Variants in PRPF38A observed in about 807,000 individuals in gnomAD.
PRPF38A encodes pre-mRNA-splicing factor 38A.
In PRPF38A, 11 loss-of-function variants were observed where a neutral mutation model predicts 46.8. The observed-to-expected ratio is 0.24, with a 90% CI of 0.15 to 0.39. The LOEUF (loss-of-function observed/expected upper bound fraction) is 0.39, where lower values mean the gene tolerates loss of function less well. Ranked by LOEUF, PRPF38A falls within the 10% of genes least tolerant of loss-of-function variation. PRPF38A has a pLI of 1.00. For synonymous variants in PRPF38A, 124 were observed against 136.2 expected, an observed-to-expected ratio of 0.91 and a Z score of 0.62; for missense variants, 261 against 407.5, an observed-to-expected ratio of 0.64 and a Z score of 3.10.
intron 4 of PRPF38A, among the ~76,000 whole-genome samples, chr1:52,411,872 A>G (rs1429083415): frequency 1.3e-5 from 2 of 152,166 alleles, no homozygotes; most frequent in East Asian, 3.9e-4. Flanking sequence ...TTCTTATAGC[A>G]AGACAATGTC....
In PRPF38A at chr1:52,416,878, G is replaced by T; in HGVS notation, c.*188G>T. On this transcript the variant is annotated 3_prime_UTR_variant, in exon 10 of 10. Coordinates refer to ENST00000257181, the MANE Select transcript of PRPF38A (RefSeq NM_032864.4). ...ATCTTTTTAATCATAATCAACATCA[G>T]TTTTTGACCCAACTAACCTTGACTG... is the stretch of plus-strand genomic sequence containing the variant. The T allele has an allele frequency of 1.7e-6, 1 of 601,236 alleles. No homozygotes were observed. The highest frequency in any genetic ancestry group is 3.0e-6 in the Non-Finnish European group (1 of 332,154). The allele number at this position is 601,236 out of a possible 1,614,324, so 37.2% of individuals were successfully genotyped here. A position where few individuals can be genotyped will look rare whatever the true frequency, so the allele number is the denominator to read the frequency against.
chr1:52,415,832 CTTTTTTTTTTT>C (rs71041898), intron 9 of PRPF38A, among the ~76,000 whole-genome samples: 22 of 51,614 alleles, frequency 4.3e-4, no homozygotes, highest in Admixed American at 2.2e-3. Context: ...TGGGTGCACT[CTTTTTTTTTTT>C]TTTTTTTTTT....
intron 2 of PRPF38A, chr1:52,408,198 C>T: frequency 2.8e-6 from 1 of 360,274 alleles, no homozygotes; most frequent in East Asian, 7.4e-5. Flanking sequence ...CAAGATCGTG[C>T]CACTGCACTG....
intron 4 of PRPF38A, 58 bp downstream of exon 4, chr1:52,411,258 A>T: frequency 8.6e-7 from 1 of 1,163,792 alleles, no homozygotes; most frequent in East Asian, 2.3e-5. Flanking sequence ...GGGCAGACAG[A>T]CAAACACATA....
In PRPF38A at chr1:52,405,562, C is replaced by G. The variant is rs140763730; in HGVS notation, c.131-118C>G. The G allele has an allele frequency of 3.5e-4, 300 of 866,962 alleles. No individual in the cohort carries two copies. In the African/African-American group the frequency reaches 4.6e-3, roughly 13 times the overall value. The allele number at this position is 866,962 out of a possible 1,614,324, so 53.7% of individuals were successfully genotyped here. A position where few individuals can be genotyped will look rare whatever the true frequency, so the allele number is the denominator to read the frequency against. On this transcript the variant is annotated intron_variant, in intron 1 of 9. Coordinates refer to ENST00000257181, the MANE Select transcript of PRPF38A (RefSeq NM_032864.4). ...GTCGTTACTGTTATTAATACACATT[C>G]GTTCTCCTAATATTACACTGTTGAT...
rs920943606 is a variant in PRPF38A, at chr1:52,417,010, A to C, written c.*320A>C. 9 of 261,998 alleles carry C rather than the reference A, an allele frequency of 3.4e-5. No homozygotes were observed. Among genetic ancestry groups the C allele is most frequent in the African/African-American group, 2.0e-4 (9 of 45,396 alleles). 16.2% of individuals were successfully genotyped at this position (261,998 alleles called of 1,614,324 possible). A position where few individuals can be genotyped will look rare whatever the true frequency, so the allele number is the denominator to read the frequency against. ...TTTCCCTTTTTATTAAACCGGACACACCTGTTTCCCATTTCGCTGTAGTTT... is the reference window on the plus strand; with the variant it reads ...TTTCCCTTTTTATTAAACCGGACACCCCTGTTTCCCATTTCGCTGTAGTTT... On this transcript the variant is annotated 3_prime_UTR_variant, in exon 10 of 10. Coordinates refer to ENST00000257181, the MANE Select transcript of PRPF38A (RefSeq NM_032864.4).
At position 52,416,645 on chromosome 1, in the gene PRPF38A, C is replaced by T; in HGVS notation, c.897-3C>T. ...TAATTATTTATATGTGTTGCCATTT[C>T]AGGTCTAAGAAGAGCCACAAGAAGA... On this transcript the variant is annotated splice_region_variant and splice_polypyrimidine_tract_variant and intron_variant, in intron 9 of 9. Coordinates refer to ENST00000257181, the MANE Select transcript of PRPF38A (RefSeq NM_032864.4). 6.2e-7 allele frequency: 1 copy of T among 1,611,404 alleles called. No homozygotes were observed.
At chr1:52,405,950 T>G (rs1647976109) in intron 2 of PRPF38A, 111 bp downstream of exon 2, 4 of 926,842 alleles carry the variant, frequency 4.3e-6, no homozygotes, top group Middle Eastern at 2.6e-4. Context: ...AGAGTTCCAC[T>G]CCAGATTTTT....
At position 52,404,726 on chromosome 1, in the gene PRPF38A, A is replaced by G; in HGVS notation, c.-24A>G. 1 of 1,610,018 alleles carries G rather than the reference A, an allele frequency of 6.2e-7. No individual in the cohort carries two copies. Among genetic ancestry groups the G allele is most frequent in the Non-Finnish European group, 8.5e-7 (1 of 1,178,136 alleles). On this transcript the variant is annotated 5_prime_UTR_variant, in exon 1 of 10. Transcript: ENST00000257181. ...TGTGAGGCATTAAAGGATCCGACGG[A>G]AATAGAATTGAAGGCATTCTAAAAT...
At position 52,417,648 on chromosome 1, in the gene PRPF38A, G is replaced by GAGAT. The variant is rs1182660289; in HGVS notation, c.*961_*964dup. The GAGAT allele has an allele frequency of 1.3e-5, 2 of 152,274 alleles. No individual in the cohort carries two copies. Among genetic ancestry groups the GAGAT allele is most frequent in the East Asian group, 1.9e-4 (1 of 5,188 alleles). The allele number at this position is 152,274 out of a possible 1,614,324, so 9.4% of individuals were successfully genotyped here. ...CTAAAAACAAAAGCCCATAAAGTTGGAGATAGGGACCAGAGTTTAACATAG... is the reference window on the plus strand; with the variant it reads ...CTAAAAACAAAAGCCCATAAAGTTGGAGATAGATAGGGACCAGAGTTTAACATAG... On this transcript the variant is annotated 3_prime_UTR_variant, in exon 10 of 10. Transcript: ENST00000257181.
At chr1:52,407,305 C>T (rs944553096) in intron 2 of PRPF38A, among the ~76,000 whole-genome samples, 5 of 152,216 alleles carry the variant, frequency 3.3e-5, no homozygotes, top group Non-Finnish European at 5.9e-5. Context: ...CGTGAGCCAC[C>T]GCCCCTGGCT....
chr1:52,415,513 A>T (rs1648264801), intron 9 of PRPF38A, 127 bp downstream of exon 9: 1 of 736,264 alleles, frequency 1.4e-6, no homozygotes, highest in Non-Finnish European at 2.3e-6. Context: ...AAATTGGTCT[A>T]TTGCTTTGAG....
Position 52,419,686 on chromosome 1 carries a change from A to G in PRPF38A, c.*2996A>G, listed in dbSNP as rs1411598826. On this transcript the variant is annotated 3_prime_UTR_variant, in exon 10 of 10. Transcript: ENST00000257181. Reference sequence around the variant, plus strand: ...GAAACCACAAAACATAAAACAGCACAGAGAAAATAGGCTGGAGGAAATAAA... The same window carrying G: ...GAAACCACAAAACATAAAACAGCACGGAGAAAATAGGCTGGAGGAAATAAA... The G allele has an allele frequency of 6.6e-6, 1 of 152,228 alleles. No homozygotes were observed. Among genetic ancestry groups the G allele is most frequent in the Non-Finnish European group, 1.5e-5 (1 of 68,044 alleles). 9.4% of individuals were successfully genotyped at this position (152,228 alleles called of 1,614,324 possible).
intron 8 of PRPF38A, 53 bp downstream of exon 8, chr1:52,414,912 G>A (rs1648247642): frequency 6.5e-7 from 1 of 1,549,914 alleles, no homozygotes. Context: ...AAATGTAAAA[G>A]GAGTAGTTAG....
At chr1:52,408,458 T>C in intron 2 of PRPF38A, 111 bp from the exon 3 acceptor site, 1 of 1,463,944 alleles carries the variant, frequency 6.8e-7, no homozygotes, top group Non-Finnish European at 9.5e-7. Flanking sequence ...GCAGCTTTCT[T>C]ACCTGCCAAA....
intron 4 of PRPF38A, among the ~76,000 whole-genome samples, chr1:52,412,306 A>G (rs1648169309): frequency 6.6e-6 from 1 of 152,208 alleles, no homozygotes; most frequent in South Asian, 2.1e-4. Flanking sequence ...TCAATAGAAA[A>G]TGAAGATGTT....
Position 52,416,622 on chromosome 1 carries a change from ATTAT to A in PRPF38A, c.897-21_897-18del, listed in dbSNP as rs747162298. On this transcript the variant is annotated intron_variant, in intron 9 of 9. Coordinates refer to ENST00000257181, the MANE Select transcript of PRPF38A (RefSeq NM_032864.4). ...CCGTGCCTGGCTGCTTCTTAATATA[ATTAT>A]TTATATGTGTTGCCATTTCAGGTCT... 2.1e-5 allele frequency: 34 copies of A among 1,595,394 alleles called. No homozygotes were observed. In the East Asian group the frequency reaches 7.6e-4, roughly 36 times the overall value.
chr1:52,405,030 C>T lies in PRPF38A; in HGVS notation c.130+151C>T, dbSNP rs1419029105. On this transcript the variant is annotated intron_variant, in intron 1 of 9. Coordinates refer to ENST00000257181, the MANE Select transcript of PRPF38A (RefSeq NM_032864.4). ...AAAATTTTGAGTGCCTGCTAAGTGC[C>T]TCGTCTTGTGTTGAGTATTAGAGGC... 4 of 813,982 alleles carry T rather than the reference C, an allele frequency of 4.9e-6. No homozygotes were observed. The South Asian group carries it at 6.8e-5, about 14-fold the overall frequency. 50.4% of individuals were successfully genotyped at this position (813,982 alleles called of 1,614,324 possible).
intron 5 of PRPF38A, 117 bp from the exon 6 acceptor site, chr1:52,413,762 T>C: frequency 1.5e-6 from 1 of 682,956 alleles, no homozygotes. Flanking sequence ...GTTACTGTGC[T>C]TTAAAGTCAC....
Sources: allele counts gnomAD v4.1 joint callset (sites outside exome capture counted in the v4.1 genomes callset), GRCh38; gene constraint gnomAD v4.1.1; transcripts MANE v1.5; gene names NCBI Gene and HGNC (gene_info 2026-07-23, HGNC 2026-07-21).